The following DRC4 variants were observed in gnomAD, a reference collection of about 807,000 sequenced individuals.
The protein encoded by DRC4 is GAS-11.
chr16:90,032,907 G>T, the DRC4 span: 114 of 1,613,504 alleles, frequency 7.1e-5, no homozygotes, highest in Non-Finnish European at 9.4e-5. Flanking sequence ...TGAGGTGGTG[G>T]TGAAGAACCT....
the DRC4 span, among the ~76,000 whole-genome samples, chr16:90,034,831 C>T: frequency 6.7e-6 from 1 of 149,792 alleles, no homozygotes; most frequent in Non-Finnish European, 1.5e-5. Flanking sequence ...TCAAGTGATC[C>T]TTCTGCCTTA....
chr16:90,027,610 C>A, the DRC4 span: 1 of 1,610,850 alleles, frequency 6.2e-7, no homozygotes, highest in Admixed American at 1.7e-5. Context: ...GTTAGAGTCT[C>A]TCTTACCCCA....
the DRC4 span, among the ~76,000 whole-genome samples, chr16:90,026,030 T>C: frequency 2.6e-5 from 4 of 151,030 alleles, no homozygotes; most frequent in African/African-American, 4.9e-5. Flanking sequence ...GAGGTGGGAG[T>C]ATCAGTTGAG....
the DRC4 span, chr16:90,036,547 C>CA: frequency 5.6e-6 from 9 of 1,600,880 alleles, no homozygotes; most frequent in Non-Finnish European, 7.7e-6. Flanking sequence ...ACTACAACGA[C>CA]ATCACCCTCA....
At chr16:90,029,119 G>T in the DRC4 span, 1 of 1,322,066 alleles carries the variant, frequency 7.6e-7, no homozygotes, top group Non-Finnish European at 1.0e-6. Context: ...CAGGCCTTGT[G>T]GGGCAGTGGC....
At chr16:90,027,384 G>A in the DRC4 span, among the ~76,000 whole-genome samples, 1 of 152,154 alleles carries the variant, frequency 6.6e-6, no homozygotes, top group African/African-American at 2.4e-5. Flanking sequence ...CACCACGCCC[G>A]GCTCCTCTCT....
chr16:90,027,858 A>G, the DRC4 span: 69 of 739,510 alleles, frequency 9.3e-5, no homozygotes, highest in African/African-American at 1.1e-3. Context: ...CGCGTGGCCC[A>G]TAATTCCCAT....
chr16:90,041,315 A>G, the DRC4 span, among the ~76,000 whole-genome samples: 1 of 152,182 alleles, frequency 6.6e-6, no homozygotes, highest in Non-Finnish European at 1.5e-5. Flanking sequence ...AGGCCCCCGC[A>G]GGGACACTGT....
At chr16:90,037,183 T>G in the DRC4 span, 1 of 1,534,638 alleles carries the variant, frequency 6.5e-7, no homozygotes. Context: ...CCACAGCCCC[T>G]TTGGTTCTGC....
At chr16:90,036,544 C>T in the DRC4 span, 22 of 1,603,080 alleles carry the variant, frequency 1.4e-5, no homozygotes, top group South Asian at 1.1e-4. Flanking sequence ...ACTACTACAA[C>T]GACATCACCC....
chr16:90,036,842 T>G, the DRC4 span: 15 of 618,984 alleles, frequency 2.4e-5, no homozygotes, highest in African/African-American at 2.5e-4. Flanking sequence ...TGTGTTCTGG[T>G]TTGTAAAAGC....
chr16:90,040,813 C>T, the DRC4 span, among the ~76,000 whole-genome samples: 1 of 151,440 alleles, frequency 6.6e-6, no homozygotes, highest in Non-Finnish European at 1.5e-5. Flanking sequence ...GCTGAGTCCA[C>T]AGGTGGGGCT....
chr16:90,027,561 T>C, the DRC4 span: 738,146 of 1,457,834 alleles, frequency 0.51, 196,524 homozygotes, highest in East Asian at 0.97. Flanking sequence ...TGCCAAATGT[T>C]CCTGGGAGCA....
At chr16:90,021,347 T>G in the DRC4 span, among the ~76,000 whole-genome samples, 6 of 152,092 alleles carry the variant, frequency 3.9e-5, no homozygotes, top group Non-Finnish European at 8.8e-5. Flanking sequence ...AGCACAACTT[T>G]CTACGAGCAT....
the DRC4 span, chr16:90,028,808 A>G: frequency 2.6e-5 from 18 of 692,940 alleles, no homozygotes; most frequent in Non-Finnish European, 3.7e-5. Flanking sequence ...TTGTTAATAA[A>G]TCTTACCTTC....
chr16:90,043,865 A>G, the DRC4 span: 1 of 464,800 alleles, frequency 2.2e-6, no homozygotes, highest in African/African-American at 2.0e-5. Context: ...GGGTGGGTGC[A>G]GCCAGCGTGC....
chr16:90,037,108 C>T, the DRC4 span: 41 of 930,034 alleles, frequency 4.4e-5, no homozygotes, highest in Non-Finnish European at 6.4e-6. Context: ...GTCTAGGTGC[C>T]AGCATGCCTG....
At chr16:90,040,376 A>G in the DRC4 span, 3 of 1,610,814 alleles carry the variant, frequency 1.9e-6, no homozygotes, top group Non-Finnish European at 2.5e-6. Flanking sequence ...ACAGGGTTCA[A>G]GAACCTCGTG....
At chr16:90,027,335 A>G in the DRC4 span, among the ~76,000 whole-genome samples, 125 of 149,690 alleles carry the variant, frequency 8.4e-4, no homozygotes, top group East Asian at 0.021. Context: ...TGATCCGTCC[A>G]CCTCGGCCTC....
Sources: allele counts gnomAD v4.1 joint callset (sites outside exome capture counted in the v4.1 genomes callset), GRCh38; gene constraint gnomAD v4.1.1; transcripts MANE v1.5; gene names NCBI Gene and HGNC (gene_info 2026-07-23, HGNC 2026-07-21).